Variants in SHTN1 observed in about 807,000 individuals in gnomAD.
SHTN1 encodes the protein shootin-1.
In SHTN1, 42 loss-of-function variants were observed where a neutral mutation model predicts 83.1. The observed-to-expected ratio is 0.51, with a 90% CI of 0.39 to 0.65. SHTN1 has a LOEUF of 0.65. SHTN1 is among the 30% of genes least tolerant of loss of function. The pLI, the probability that SHTN1 is intolerant of heterozygous loss-of-function variation, is 0.00. For synonymous variants in SHTN1, 224 were observed against 247.7 expected (o/e 0.90, Z 0.90); for missense variants, 622 against 737.8 (o/e 0.84, Z 1.82).
intron 1 of SHTN1, among the ~76,000 whole-genome samples, chr10:117,050,573 GA>G (rs1191096865): frequency 6.6e-6 from 1 of 151,928 alleles, no homozygotes; most frequent in Non-Finnish European, 1.5e-5. Flanking sequence ...AACAAGTAAG[GA>G]AATAATCAAT....
rs1564932217 is a variant in SHTN1 at position 117,018,509 on chromosome 10, A to ATTT, written c.-123+29935_-123+29936insAAA. ...AAAGGGTGTATGTGTATTTTTTTTA[A>ATTT]AAAAAAAAAAAAAAGGAAAATATTT... On this transcript the variant is annotated intron_variant, in intron 2 of 17. Coordinates refer to the SHTN1 transcript ENST00000392901. 3.0e-3 allele frequency among the ~76,000 whole-genome samples: 413 copies of ATTT among 137,294 alleles called. 1 individual carries two copies. The highest frequency in any genetic ancestry group is 4.0e-3 in the African/African-American group (142 of 35,354). The allele number at this position is 137,294 out of a possible 152,430, so 90.1% of individuals were successfully genotyped here.
At chr10:116,983,991 G>A (rs1309735778) in intron 1 of SHTN1, among the ~76,000 whole-genome samples, 1 of 152,168 alleles carries the variant, frequency 6.6e-6, no homozygotes, top group Non-Finnish European at 1.5e-5. Context: ...CCAACAGGCA[G>A]CTGAGTAGAC....
intron 2 of SHTN1, among the ~76,000 whole-genome samples, chr10:117,048,231 T>C (rs1242432105): frequency 6.6e-6 from 1 of 152,144 alleles, no homozygotes; most frequent in Non-Finnish European, 1.5e-5. Context: ...AATGTAAATA[T>C]CTCCATCAAC....
chr10:117,031,049 C>G (rs1234972865), intron 2 of SHTN1, among the ~76,000 whole-genome samples: 1 of 151,962 alleles, frequency 6.6e-6, no homozygotes, highest in African/African-American at 2.4e-5. Flanking sequence ...AGAAGACTAC[C>G]TCAAGGCATT....
rs775337559 is a variant in SHTN1, at chr10:116,886,430, G to A, written c.1810C>T (p.His604Tyr). 1 of 1,609,258 alleles carries A rather than the reference G, an allele frequency of 6.2e-7. No homozygotes were observed. Residue 604 changes from histidine to tyrosine, a missense_variant, in exon 17 of 17, where the codon CAC becomes TAC. Transcript: ENST00000355371. Reference protein sequence around the residue: ...DQVAEKDPTQHKEDEGEIQPE... With the variant: ...DQVAEKDPTQYKEDEGEIQPE... ...TGAATTTCGCCTTCATCCTCCTTGT[G>A]TTGAGTTGGATCTTTTTCAGCAACC...
At chr10:117,027,199 G>GT (rs1486358095) in intron 2 of SHTN1, among the ~76,000 whole-genome samples, 3 of 151,898 alleles carry the variant, frequency 2.0e-5, no homozygotes, top group Non-Finnish European at 4.4e-5. Flanking sequence ...TTGGAGGGGG[G>GT]GCCTGGTTGG....
intron 1 of SHTN1, among the ~76,000 whole-genome samples, chr10:116,985,283 C>T (rs1851181877): frequency 6.6e-6 from 1 of 152,110 alleles, no homozygotes; most frequent in African/African-American, 2.4e-5. Flanking sequence ...CAAATATTAA[C>T]GTCCCCATTT....
chr10:117,019,930 G>A (rs1852235124), intron 2 of SHTN1, among the ~76,000 whole-genome samples: 1 of 152,038 alleles, frequency 6.6e-6, no homozygotes, highest in Non-Finnish European at 1.5e-5. Flanking sequence ...ATATTGGTAT[G>A]GTATGGATTG....
chr10:117,021,229 C>T (rs1252493601), intron 2 of SHTN1, among the ~76,000 whole-genome samples: 3 of 152,058 alleles, frequency 2.0e-5, no homozygotes, highest in Non-Finnish European at 2.9e-5. Flanking sequence ...AAAAATTAGC[C>T]GGGCGTTGTG....
intron 16 of SHTN1, among the ~76,000 whole-genome samples, chr10:116,890,987 G>A (rs373961398): frequency 1.3e-5 from 2 of 152,282 alleles, no homozygotes; most frequent in East Asian, 1.9e-4. Context: ...CAACATTCTA[G>A]CTAACATTTC....
intron 1 of SHTN1, among the ~76,000 whole-genome samples, chr10:117,055,879 A>G (rs910544652): frequency 1.3e-5 from 2 of 152,212 alleles, no homozygotes; most frequent in African/African-American, 4.8e-5. Context: ...AAGTAGAGAG[A>G]AAAATAATGG....
intron 1 of SHTN1, among the ~76,000 whole-genome samples, chr10:116,990,287 C>CTTTTTTTTTTTTTTTTTTTTTTTCTT (rs11399364): frequency 1.7e-5 from 2 of 119,920 alleles, no homozygotes; most frequent in African/African-American, 6.4e-5. Context: ...TTTTTTCTTT[C>CTTTTTTTTTTTTTTTTTTTTTTTCTT]TTTTTTTTTT....
chr10:116,906,110 A>C (rs556230969), intron 15 of SHTN1, among the ~76,000 whole-genome samples: 1 of 152,386 alleles, frequency 6.6e-6, no homozygotes, highest in South Asian at 2.1e-4. Flanking sequence ...CTACTAAATG[A>C]GTGCTCATTT....
At chr10:116,894,339 C>T (rs532770125) in intron 16 of SHTN1, among the ~76,000 whole-genome samples, 1 of 152,170 alleles carries the variant, frequency 6.6e-6, no homozygotes, top group South Asian at 2.1e-4. Context: ...TTATAATTGC[C>T]ACATGGGTTT....
chr10:117,089,504 T>C (rs572679371), intron 1 of SHTN1, among the ~76,000 whole-genome samples: 1 of 152,032 alleles, frequency 6.6e-6, no homozygotes, highest in African/African-American at 2.4e-5. Flanking sequence ...AAAGACAACA[T>C]AGAGCAAAAG....
chr10:117,022,599 G>C (rs1233664355), intron 2 of SHTN1, among the ~76,000 whole-genome samples: 4 of 152,152 alleles, frequency 2.6e-5, no homozygotes, highest in Non-Finnish European at 4.4e-5. Flanking sequence ...TTCGTATTCA[G>C]TGTTTTGAAG....
chr10:117,076,018 A>G (rs1210737135), intron 1 of SHTN1, among the ~76,000 whole-genome samples: 1 of 151,986 alleles, frequency 6.6e-6, no homozygotes, highest in African/African-American at 2.4e-5. Context: ...CCCTATCTCT[A>G]CTAAAAATAA....
chr10:116,951,972 T>C lies in SHTN1; in HGVS notation c.471A>G (p.Glu157=). Residue 157 remains glutamate, a synonymous_variant, in exon 6 of 17, where the codon GAA becomes GAG. Coordinates refer to ENST00000355371, the MANE Select transcript of SHTN1 (RefSeq NM_001127211.3). ...CCAGCTCAATGGCTAAAATCTTCTT[T>C]TCCTCCTGAACAGATACAATTTGAT... The part of the protein sequence containing the change: ...LRDQIVSVQE[E]KKILAIELEN... The C allele has an allele frequency of 6.2e-7, 1 of 1,600,804 alleles. No homozygotes were observed. Among genetic ancestry groups the C allele is most frequent in the Admixed American group, 1.7e-5 (1 of 59,610 alleles).
At chr10:117,042,143 T>C (rs1461414797) in intron 2 of SHTN1, among the ~76,000 whole-genome samples, 2 of 152,216 alleles carry the variant, frequency 1.3e-5, no homozygotes, top group Admixed American at 1.3e-4. Context: ...ATTTTTCCTT[T>C]GATATTTACA....
Sources: allele counts gnomAD v4.1 joint callset (sites outside exome capture counted in the v4.1 genomes callset), GRCh38; gene constraint gnomAD v4.1.1; transcripts MANE v1.5; gene names NCBI Gene and HGNC (gene_info 2026-07-23, HGNC 2026-07-21).